Variants in CNKSR3 observed in about 807,000 individuals in gnomAD.
CNKSR3 encodes the protein CNKSR family member 3.
In CNKSR3, 36 loss-of-function variants were observed where a neutral mutation model predicts 67.7. The ratio of observed to expected loss-of-function variants is 0.53; its 90% confidence interval spans 0.41 to 0.70. The LOEUF (loss-of-function observed/expected upper bound fraction) is 0.70, where lower values mean the gene tolerates loss of function less well. CNKSR3 is among the 30% of genes least tolerant of loss of function. CNKSR3 has a pLI of 0.00. For synonymous variants in CNKSR3, 281 were observed against 271.4 expected, an observed-to-expected ratio of 1.04 and a Z score of -0.35; for missense variants, 630 against 695.2, an observed-to-expected ratio of 0.91 and a Z score of 1.05.
At chr6:154,436,095 G>A (rs1483889087) in intron 4 of CNKSR3, among the ~76,000 whole-genome samples, 1 of 152,270 alleles carries the variant, frequency 6.6e-6, no homozygotes, top group East Asian at 1.9e-4. Context: ...GTGATGGCAT[G>A]TGTCAAGTGT....
intron 2 of CNKSR3, among the ~76,000 whole-genome samples, chr6:154,448,408 T>C (rs963556851): frequency 5.3e-5 from 3 of 56,286 alleles, no homozygotes; most frequent in Non-Finnish European, 1.2e-4. Flanking sequence ...GAAAGTATAA[T>C]AAAAGTAAAC....
At chr6:154,468,150 C>A (rs1223363069) in intron 1 of CNKSR3, among the ~76,000 whole-genome samples, 5 of 144,686 alleles carry the variant, frequency 3.5e-5, no homozygotes, top group Non-Finnish European at 7.5e-5. Flanking sequence ...GATCTTGGCT[C>A]ACTGCAGCCT....
chr6:154,434,767 G>A (rs968169281), intron 4 of CNKSR3, among the ~76,000 whole-genome samples: 8 of 152,152 alleles, frequency 5.3e-5, no homozygotes, highest in Admixed American at 3.3e-4. Context: ...AACTACAGGA[G>A]CGGCTTCTGT....
chr6:154,407,470 A>G (rs1171415161), intron 12 of CNKSR3, among the ~76,000 whole-genome samples: 1 of 152,094 alleles, frequency 6.6e-6, no homozygotes, highest in Non-Finnish European at 1.5e-5. Context: ...AGATCTATGG[A>G]CTCACGGATG....
At chr6:154,444,036 G>C (rs1785657769) in intron 2 of CNKSR3, among the ~76,000 whole-genome samples, 1 of 152,178 alleles carries the variant, frequency 6.6e-6, no homozygotes, top group African/African-American at 2.4e-5. Context: ...TGCAACATTA[G>C]AGGTGGGGGT....
intron 12 of CNKSR3, among the ~76,000 whole-genome samples, chr6:154,408,535 C>A (rs965240083): frequency 2.6e-5 from 4 of 152,144 alleles, no homozygotes; most frequent in African/African-American, 9.7e-5. Flanking sequence ...TGCCCATTGT[C>A]AAAAAGCCAC....
In CNKSR3 at chr6:154,417,693, C is replaced by T. The variant is rs1247881203; in HGVS notation, c.946-3270G>A. 8.5e-5 allele frequency among the ~76,000 whole-genome samples: 13 copies of T among 152,100 alleles called. 1 individual carries two copies. On this transcript the variant is annotated intron_variant, in intron 9 of 12. Coordinates refer to ENST00000607772, the MANE Select transcript of CNKSR3 (RefSeq NM_173515.4). ...AGTCATTAGGGTGGGCTCAATCTGACATGACTGGTGTCCCATAAGATTAAG... is the reference window on the plus strand; with the variant it reads ...AGTCATTAGGGTGGGCTCAATCTGATATGACTGGTGTCCCATAAGATTAAG...
chr6:154,476,032 T>A (rs1328324699), intron 1 of CNKSR3, among the ~76,000 whole-genome samples: 1 of 152,064 alleles, frequency 6.6e-6, no homozygotes, highest in Non-Finnish European at 1.5e-5. Context: ...TATCATTTTT[T>A]TTTTTCGGAT....
chr6:154,440,620 T>C (rs892633152), intron 4 of CNKSR3, among the ~76,000 whole-genome samples: 3 of 152,182 alleles, frequency 2.0e-5, no homozygotes, highest in Non-Finnish European at 2.9e-5. Flanking sequence ...ATGAGTGAAA[T>C]TGACATGTGT....
intron 1 of CNKSR3, among the ~76,000 whole-genome samples, chr6:154,452,838 G>A (rs1454121266): frequency 1.3e-5 from 2 of 152,210 alleles, no homozygotes; most frequent in African/African-American, 4.8e-5. Flanking sequence ...GACGGTCATT[G>A]TAAACCAAGG....
intron 9 of CNKSR3, among the ~76,000 whole-genome samples, chr6:154,416,111 T>A (rs538462991): frequency 6.6e-6 from 1 of 152,094 alleles, no homozygotes; most frequent in East Asian, 1.9e-4. Context: ...TGAAGCCCCG[T>A]CTCTACCAAA....
chr6:154,438,130 C>T, intron 4 of CNKSR3, among the ~76,000 whole-genome samples: 1 of 152,116 alleles, frequency 6.6e-6, no homozygotes. Context: ...TCATAACAAT[C>T]TTTTGGAGTA....
intron 1 of CNKSR3, among the ~76,000 whole-genome samples, chr6:154,493,460 A>G (rs1403938114): frequency 6.6e-6 from 1 of 152,208 alleles, no homozygotes; most frequent in Non-Finnish European, 1.5e-5. Flanking sequence ...CACAGAAGGC[A>G]CTCAATAGAT....
rs928796569 is a variant in CNKSR3, at chr6:154,403,499, A to G, written c.*2855T>C. ...CAACTTCATATGTGAACACACGTCCACAATTAAACCTGGATTACTACTGAG... is the reference window on the plus strand; with the variant it reads ...CAACTTCATATGTGAACACACGTCCGCAATTAAACCTGGATTACTACTGAG... On this transcript the variant is annotated 3_prime_UTR_variant, in exon 13 of 13. Transcript: ENST00000607772. The G allele has an allele frequency of 3.3e-5, 5 of 152,282 alleles. No homozygotes were observed. The East Asian group carries it at 9.6e-4, about 29-fold the overall frequency. 9.4% of individuals were successfully genotyped at this position (152,282 alleles called of 1,614,324 possible).
chr6:154,388,368 T>C lies in CNKSR3; in HGVS notation c.*17986A>G, dbSNP rs919747356. On this transcript the variant is annotated 3_prime_UTR_variant, in exon 13 of 13. Coordinates refer to ENST00000607772, the MANE Select transcript of CNKSR3 (RefSeq NM_173515.4). ...TTCCTTCTTTTTAAAAGCTAAATAG[T>C]ATTCCATTGTATGTGTATATACATT... The C allele has an allele frequency of 6.6e-6, 1 of 152,272 alleles. No individual in the cohort carries two copies. The highest frequency in any genetic ancestry group is 1.5e-5 in the Non-Finnish European group (1 of 68,046). The allele number at this position is 152,272 out of a possible 1,614,324, so 9.4% of individuals were successfully genotyped here. A position where few individuals can be genotyped will look rare whatever the true frequency, so the allele number is the denominator to read the frequency against.
At position 154,433,475 on chromosome 6, in the gene CNKSR3, A is replaced by T. The variant is rs1454199587; in HGVS notation, c.540T>A (p.Val180=). 6.3e-7 allele frequency: 1 copy of T among 1,586,466 alleles called. No individual in the cohort carries two copies. The highest frequency in any genetic ancestry group is 8.6e-7 in the Non-Finnish European group (1 of 1,160,722). ...TAGAATGTATACTTACCACAGTTAA[A>T]ACTTTATCCTCCATTTCCGCTACAA... ...DCFVAEMEDK[V]LTVVKVLNGI... is the part of the protein sequence containing the mutation. Residue 180 remains valine (V), a synonymous_variant, in exon 5 of 13, where the codon GTT becomes GTA. Coordinates refer to ENST00000607772, the MANE Select transcript of CNKSR3 (RefSeq NM_173515.4).
Position 154,442,137 on chromosome 6 carries a change from C to G in CNKSR3, c.370G>C (p.Val124Leu). The change falls in exon 3 of 13, where the codon GTG (valine) becomes CTG (leucine). Residue 124 changes from valine to leucine, a missense_variant. Val to Leu is a conservative substitution (Grantham distance 32). Around this residue, in one of 3 missense-constraint regions of CNKSR3, gnomAD observed 189 missense variants for 205.0 expected, o/e 0.92. Coordinates refer to ENST00000607772, the MANE Select transcript of CNKSR3 (RefSeq NM_173515.4). ...RKAPNEFLTS[V>L]VELIGAAKAL... ...TTGGCGGCGCCGATGAGCTCCACCA[C>G]CGAGGTCAGGAACTCATTGGGGGCC... 6.2e-7 allele frequency: 1 copy of G among 1,613,672 alleles called. No homozygotes were observed. Among genetic ancestry groups the G allele is most frequent in the South Asian group, 1.1e-5 (1 of 91,066 alleles).
In CNKSR3 at chr6:154,388,677, T is replaced by A. The variant is rs945317311; in HGVS notation, c.*17677A>T. The A allele has an allele frequency of 1.3e-5, 2 of 152,288 alleles. No individual in the cohort carries two copies. Among genetic ancestry groups the A allele is most frequent in the South Asian group, 2.1e-4 (1 of 4,822 alleles). 9.4% of individuals were successfully genotyped at this position (152,288 alleles called of 1,614,324 possible). ...TGTCCACTTCTTCACCAATATTTGT[T>A]GTGTTTTGGTTCTTCAATGATAGCC... is the stretch of plus-strand genomic sequence containing the variant. On this transcript the variant is annotated 3_prime_UTR_variant, in exon 13 of 13. Transcript: ENST00000607772.
Position 154,398,179 on chromosome 6 carries a change from A to G in CNKSR3, c.*8175T>C, listed in dbSNP as rs1281378495. 2 of 152,362 alleles carry G rather than the reference A, an allele frequency of 1.3e-5. No homozygotes were observed. Among genetic ancestry groups the G allele is most frequent in the East Asian group, 3.9e-4 (2 of 5,186 alleles). The allele number at this position is 152,362 out of a possible 1,614,324, so 9.4% of individuals were successfully genotyped here. On this transcript the variant is annotated 3_prime_UTR_variant, in exon 13 of 13. Coordinates refer to ENST00000607772, the MANE Select transcript of CNKSR3 (RefSeq NM_173515.4). ...CCCCAGTCCAGTGGTGCGGATCAATAAATCGAGACTTACGGCCAATCTGAA... is the reference window on the plus strand; with the variant it reads ...CCCCAGTCCAGTGGTGCGGATCAATGAATCGAGACTTACGGCCAATCTGAA...
Sources: allele counts gnomAD v4.1 joint callset (sites outside exome capture counted in the v4.1 genomes callset), GRCh38; gene constraint gnomAD v4.1.1; regional missense constraint gnomAD v4.1.1; transcripts MANE v1.5; gene names NCBI Gene and HGNC (gene_info 2026-07-23, HGNC 2026-07-21).